The following UNC13B variants were observed in gnomAD, a reference collection of about 807,000 sequenced individuals.
UNC13B encodes the protein protein unc-13 homolog B.
Under a neutral mutation model 211.0 loss-of-function variants are expected in UNC13B, and 144 were observed. The observed-to-expected ratio is 0.68, with a 90% confidence interval of 0.60 to 0.78. The LOEUF (loss-of-function observed/expected upper bound fraction) is 0.78. Among genes scored for constraint, UNC13B ranks in the 30% least tolerant of loss-of-function variants. The pLI, the probability that UNC13B is intolerant of heterozygous loss-of-function variation, is 0.00. For synonymous variants in UNC13B, 709 were observed against 725.8 expected (o/e 0.98, Z 0.37); for missense variants, 1,777 against 2,002.0 (o/e 0.89, Z 2.14).
intron 5 of UNC13B, among the ~76,000 whole-genome samples, chr9:35,241,765 A>G (rs1475872751): frequency 1.3e-5 from 2 of 152,174 alleles, no homozygotes; most frequent in Non-Finnish European, 2.9e-5. Flanking sequence ...CTTCTTTGTA[A>G]CAGGTGCATA....
At chr9:35,176,795 G>A (rs1279031711) in intron 1 of UNC13B, among the ~76,000 whole-genome samples, 1 of 152,158 alleles carries the variant, frequency 6.6e-6, no homozygotes, top group Non-Finnish European at 1.5e-5. Flanking sequence ...ATGTGTTAAG[G>A]AAAGTTACCT....
At chr9:35,198,491 T>G (rs1823071732) in intron 1 of UNC13B, among the ~76,000 whole-genome samples, 1 of 152,236 alleles carries the variant, frequency 6.6e-6, no homozygotes, top group Non-Finnish European at 1.5e-5. Context: ...CAGTATGTAG[T>G]CTCAGGTATT....
rs146391020 is a variant in UNC13B at position 35,381,628 on chromosome 9, G to A, written c.10564G>A (p.Ala3522Thr). The change falls in exon 20 of 40, where the codon GCC (alanine) becomes ACC (threonine). Residue 3522 changes from alanine (A) to threonine (T), a missense_variant. Transcript: ENST00000635942. ...CATCCCTGAAGCTCGAGGAGACGAT[G>A]CCTGGAAGGTGTACTTTGATGAGAC... ...VRIPEARGDD[A>T]WKVYFDETAQ... The A allele has an allele frequency of 1.1e-5, 17 of 1,614,140 alleles. No homozygotes were observed. In the African/African-American group the frequency reaches 1.5e-4, roughly 14 times the overall value.
At chr9:35,297,198 C>T (rs531197109) in intron 8 of UNC13B, among the ~76,000 whole-genome samples, 102 of 150,760 alleles carry the variant, frequency 6.8e-4, no homozygotes, top group Non-Finnish European at 1.1e-3. Flanking sequence ...AAGTGATTCT[C>T]GTGCCTCAGC....
chr9:35,372,251 G>A (rs1834181410), intron 13 of UNC13B, among the ~76,000 whole-genome samples: 1 of 152,192 alleles, frequency 6.6e-6, no homozygotes, highest in African/African-American at 2.4e-5. Flanking sequence ...CTGCCTGGGC[G>A]ACAGTGCAAG....
intron 6 of UNC13B, among the ~76,000 whole-genome samples, chr9:35,258,031 A>G (rs1379122836): frequency 6.6e-6 from 1 of 152,214 alleles, no homozygotes; most frequent in Non-Finnish European, 1.5e-5. Flanking sequence ...ATGATTTACA[A>G]ATTCTGTTTT....
chr9:35,338,494 G>A (rs911250864), intron 11 of UNC13B, among the ~76,000 whole-genome samples: 4 of 152,138 alleles, frequency 2.6e-5, no homozygotes, highest in Admixed American at 6.5e-5. Flanking sequence ...CCTGCTGCCC[G>A]TCATTCTCTG....
intron 11 of UNC13B, among the ~76,000 whole-genome samples, chr9:35,314,490 A>G (rs951387086): frequency 6.6e-6 from 1 of 152,186 alleles, no homozygotes; most frequent in Non-Finnish European, 1.5e-5. Flanking sequence ...CAGTGTTACA[A>G]GTTTGAAGTG....
At chr9:35,309,199 G>A (rs962450704) in intron 9 of UNC13B, among the ~76,000 whole-genome samples, 3 of 150,218 alleles carry the variant, frequency 2.0e-5, no homozygotes, top group Non-Finnish European at 4.4e-5. Flanking sequence ...GCCCAAACTT[G>A]TTCAAAGGGG....
intron 11 of UNC13B, among the ~76,000 whole-genome samples, chr9:35,365,225 G>C (rs1303864414): frequency 3.3e-5 from 5 of 152,188 alleles, no homozygotes; most frequent in Middle Eastern, 3.2e-3. Context: ...TTGGGCCATA[G>C]TAAACACTGT....
chr9:35,359,672 T>C (rs374020773), intron 11 of UNC13B, among the ~76,000 whole-genome samples: 3 of 152,202 alleles, frequency 2.0e-5, no homozygotes, highest in East Asian at 3.8e-4. Flanking sequence ...CCCTTCTCTC[T>C]CACAACCTGT....
rs1029871929 is a variant in UNC13B, at chr9:35,397,781, G to A, written c.11754+69G>A. ...CATTTGAATCCTTGCTTTTGAAGCT[G>A]TCCTCAGAATTGAGGGTTGGGGTGA... On this transcript the variant is annotated intron_variant, in intron 30 of 39. Transcript: ENST00000635942. 2.6e-5 allele frequency: 40 copies of A among 1,555,170 alleles called. No individual in the cohort carries two copies. The African/African-American group carries it at 4.3e-4, about 17-fold the overall frequency.
At chr9:35,241,556 A>AGC (rs1325894840) in intron 5 of UNC13B, among the ~76,000 whole-genome samples, 3 of 74,568 alleles carry the variant, frequency 4.0e-5, no homozygotes, top group African/African-American at 1.6e-4. Flanking sequence ...TCTGAATATA[A>AGC]GCACACACAC....
chr9:35,231,440 G>A (rs1825196608), intron 3 of UNC13B, among the ~76,000 whole-genome samples: 1 of 152,104 alleles, frequency 6.6e-6, no homozygotes, highest in Non-Finnish European at 1.5e-5. Context: ...TTCGTAATTT[G>A]TTCTTAGAGA....
chr9:35,359,411 G>A (rs573672083), intron 11 of UNC13B, among the ~76,000 whole-genome samples: 3 of 152,132 alleles, frequency 2.0e-5, no homozygotes, highest in African/African-American at 2.4e-5. Flanking sequence ...TTTCAATCCC[G>A]AGTTTCATAA....
At chr9:35,276,278 C>T (rs1230517272) in intron 7 of UNC13B, among the ~76,000 whole-genome samples, 3 of 149,140 alleles carry the variant, frequency 2.0e-5, no homozygotes, top group South Asian at 2.1e-4. Flanking sequence ...TGCACTCCAG[C>T]CTGGGTGACA....
At chr9:35,336,164 T>C (rs571744111) in intron 11 of UNC13B, among the ~76,000 whole-genome samples, 8 of 152,344 alleles carry the variant, frequency 5.3e-5, no homozygotes, top group African/African-American at 1.2e-4. Context: ...ACCTCAGTCC[T>C]CTTTCATGAG....
Position 35,305,111 on chromosome 9 carries a change from C to G in UNC13B, c.5707C>G (p.Gln1903Glu), listed in dbSNP as rs2131839646. The G allele has an allele frequency of 2.5e-6, 1 of 398,854 alleles. No homozygotes were observed. The highest frequency in any genetic ancestry group is 4.4e-5 in the Admixed American group (1 of 22,728). 24.7% of individuals were successfully genotyped at this position (398,854 alleles called of 1,614,324 possible). A position where few individuals can be genotyped will look rare whatever the true frequency, so the allele number is the denominator to read the frequency against. ...GDERENYELP[Q>E]GQSSKESDKT... ...TGAGCGTGAGAATTATGAGCTTCCC[C>G]AGGGCCAGTCATCCAAAGAGTCTGA... Residue 1903 changes from glutamine (Q) to glutamate (E), a missense_variant, in exon 9 of 40, where the codon CAG becomes GAG. By Grantham distance (29) the Gln-to-Glu change is conservative. Transcript: ENST00000635942.
intron 11 of UNC13B, chr9:35,361,415 A>AT (rs1833402848): frequency 2.6e-5 from 4 of 152,210 alleles, no homozygotes; most frequent in Admixed American, 6.5e-5. Context: ...CCAGTATAGC[A>AT]GTTCCTCAGG....
Sources: allele counts gnomAD v4.1 joint callset (sites outside exome capture counted in the v4.1 genomes callset), GRCh38; gene constraint gnomAD v4.1.1; transcripts MANE v1.5; gene names NCBI Gene and HGNC (gene_info 2026-07-23, HGNC 2026-07-21).